The following C10orf67 variants were observed in gnomAD, a reference collection of about 807,000 sequenced individuals.
The protein encoded by C10orf67 is uncharacterized protein C10orf67, mitochondrial.
In C10orf67, 60 loss-of-function variants were observed where a neutral mutation model predicts 35.6. The ratio of observed to expected loss-of-function variants is 1.68; its 90% confidence interval spans 1.37 to 2.09. The LOEUF (loss-of-function observed/expected upper bound fraction) is 2.09, where lower values mean the gene tolerates loss of function less well. Among genes scored for constraint, C10orf67 ranks in the 30% most tolerant of loss-of-function variants. The pLI is 0.00. For missense variants in C10orf67, 474 were observed against 330.2 expected, an observed-to-expected ratio of 1.44 and a Z score of -3.38; for synonymous variants, 167 against 115.8, an observed-to-expected ratio of 1.44 and a Z score of -2.84.
chr10:23,278,959 A>G (rs1843278148), intron 8 of C10orf67, among the ~76,000 whole-genome samples: 1 of 152,102 alleles, frequency 6.6e-6, no homozygotes, highest in African/African-American at 2.4e-5. Flanking sequence ...TGACTTCCTA[A>G]GTGGATTGTG....
intron 15 of C10orf67, among the ~76,000 whole-genome samples, chr10:23,215,483 AG>A (rs1841407569): frequency 6.6e-6 from 1 of 151,904 alleles, no homozygotes; most frequent in South Asian, 2.1e-4. Context: ...TAGTAGAGAT[AG>A]GGTTTCACCA....
chr10:23,254,540 C>A (rs1414753661), intron 10 of C10orf67, among the ~76,000 whole-genome samples: 2 of 152,074 alleles, frequency 1.3e-5, no homozygotes, highest in Non-Finnish European at 1.5e-5. Context: ...ATAAATATTT[C>A]TCATTCTCTT....
intron 4 of C10orf67, among the ~76,000 whole-genome samples, chr10:23,308,114 C>A (rs1369979277): frequency 1.3e-5 from 2 of 152,140 alleles, no homozygotes; most frequent in Non-Finnish European, 2.9e-5. Flanking sequence ...CTTTCTGCGT[C>A]CCCTTATTAA....
At chr10:23,244,067 T>G (rs1588610526) in intron 12 of C10orf67, among the ~76,000 whole-genome samples, 1 of 152,098 alleles carries the variant, frequency 6.6e-6, no homozygotes, top group South Asian at 2.1e-4. Context: ...AATTTTTTTA[T>G]TTTTTGTATA....
chr10:23,338,322 T>A (rs1845763268), intron 1 of C10orf67, among the ~76,000 whole-genome samples: 1 of 152,138 alleles, frequency 6.6e-6, no homozygotes, highest in Non-Finnish European at 1.5e-5. Context: ...AAGGCTGGCC[T>A]GGCTACCACA....
intron 4 of C10orf67, among the ~76,000 whole-genome samples, chr10:23,319,411 T>C (rs1463967190): frequency 6.6e-6 from 1 of 152,202 alleles, no homozygotes; most frequent in Non-Finnish European, 1.5e-5. Flanking sequence ...CCACCGTTGA[T>C]GGGCATCTAG....
chr10:23,278,868 C>T (rs1843275111), intron 8 of C10orf67, among the ~76,000 whole-genome samples: 1 of 152,188 alleles, frequency 6.6e-6, no homozygotes, highest in South Asian at 2.1e-4. Flanking sequence ...TGCAAGAATT[C>T]ATGGGGCTCA....
chr10:23,230,539 A>T (rs1198834573), intron 13 of C10orf67, among the ~76,000 whole-genome samples: 1 of 152,182 alleles, frequency 6.6e-6, no homozygotes, highest in Non-Finnish European at 1.5e-5. Flanking sequence ...AAACTGAAAG[A>T]AGACATTTGC....
chr10:23,205,031 G>A (rs1841121602), intron 15 of C10orf67, among the ~76,000 whole-genome samples: 1 of 152,224 alleles, frequency 6.6e-6, no homozygotes, highest in Non-Finnish European at 1.5e-5. Context: ...GGCAGTGGGA[G>A]AGGGGAACAC....
chr10:23,236,019 C>T (rs576070905), intron 13 of C10orf67, among the ~76,000 whole-genome samples: 6 of 151,686 alleles, frequency 4.0e-5, no homozygotes, highest in Non-Finnish European at 5.9e-5. Flanking sequence ...GAGGCCGAGG[C>T]GGGCGGATCA....
At chr10:23,250,765 C>T in intron 10 of C10orf67, 74 bp from the exon 11 acceptor site, 1 of 397,270 alleles carries the variant, frequency 2.5e-6, no homozygotes, top group Non-Finnish European at 4.4e-6. Context: ...TCTGAAAAGA[C>T]TATTTCTATA....
At chr10:23,235,406 A>G (rs567880539) in intron 13 of C10orf67, among the ~76,000 whole-genome samples, 116 of 152,356 alleles carry the variant, frequency 7.6e-4, no homozygotes, top group African/African-American at 2.8e-3. Flanking sequence ...ACTGAGGAAA[A>G]AAATGTTTGT....
chr10:23,257,739 G>T (rs758134114), intron 10 of C10orf67, among the ~76,000 whole-genome samples: 1 of 152,008 alleles, frequency 6.6e-6, no homozygotes, highest in Non-Finnish European at 1.5e-5. Context: ...GGAGACAGAC[G>T]TTTCAGTGAG....
chr10:23,320,929 G>C (rs553106691), intron 3 of C10orf67, 114 bp from the exon 4 acceptor site: 1 of 689,742 alleles, frequency 1.4e-6, no homozygotes, highest in East Asian at 2.8e-5. Context: ...ACAATCTATT[G>C]AAAACTTCAG....
intron 10 of C10orf67, among the ~76,000 whole-genome samples, chr10:23,253,765 AG>A (rs1842527857): frequency 6.6e-6 from 1 of 152,202 alleles, no homozygotes; most frequent in South Asian, 2.1e-4. Context: ...TGTAATAACT[AG>A]AGATAAGTCT....
rs1844922330 is a variant in C10orf67, at chr10:23,320,811, T to C, written c.476A>G (p.Glu159Gly). The change falls in exon 4 of 16, where the codon GAG becomes GGG. Residue 159 changes from glutamate to glycine, a missense_variant. By Grantham distance (98) the Glu-to-Gly change is moderately conservative (BLOSUM62 -2). Transcript: ENST00000636213. ...LEIEKHYQQNEDKMRKSFNQQ... is the reference protein window; with the variant it reads ...LEIEKHYQQNGDKMRKSFNQQ... ...ATTGAAGGATTTTCTCATCTTATCC[T>C]CATTCTGCAAACAAAAATAAATGCA... 1.9e-6 allele frequency: 3 copies of C among 1,574,928 alleles called. No individual in the cohort carries two copies. The highest frequency in any genetic ancestry group is 1.8e-5 in the Admixed American group (1 of 54,264).
intron 1 of C10orf67, among the ~76,000 whole-genome samples, chr10:23,340,479 C>G (rs1251466088): frequency 6.6e-6 from 1 of 152,126 alleles, no homozygotes; most frequent in African/African-American, 2.4e-5. Flanking sequence ...GTGACCATAC[C>G]ACTGCACTCC....
At chr10:23,276,784 T>A (rs936612395) in intron 8 of C10orf67, among the ~76,000 whole-genome samples, 2 of 152,174 alleles carry the variant, frequency 1.3e-5, no homozygotes, top group African/African-American at 4.8e-5. Flanking sequence ...AATTTCCTTA[T>A]GTGGAAATTT....
rs537824332 is a variant in C10orf67 at position 23,276,066 on chromosome 10, G to T, written c.975+5947C>A. Among the ~76,000 whole-genome samples, 6 of 152,234 alleles carry T rather than the reference G, an allele frequency of 3.9e-5. No individual in the cohort carries two copies. In the South Asian group the frequency reaches 1.2e-3, roughly 32 times the overall value. ...TCCCATTAGGGTGATTAACGATTCT[G>T]GTTTTTCTTAGGACTGTGGGGTTTC... On this transcript the variant is annotated intron_variant, in intron 8 of 15. Coordinates refer to ENST00000636213, the MANE Select transcript of C10orf67 (RefSeq NM_001371909.1).
Sources: gnomAD v4.1 joint callset for allele counts (sites outside exome capture counted in the v4.1 genomes callset) on GRCh38, gnomAD v4.1.1 for gene constraint, MANE v1.5 for transcripts, NCBI Gene and HGNC (gene_info 2026-07-23, HGNC 2026-07-21) for gene names.